The following CASD1 variants were observed in gnomAD, a reference collection of about 807,000 sequenced individuals.
CASD1 encodes the protein N-acetylneuraminate (7)9-O-acetyltransferase.
CASD1 carries 41 observed loss-of-function variants against 100.0 expected under a neutral mutation model. The ratio of observed to expected loss-of-function variants is 0.41; its 90% CI spans 0.32 to 0.53. The LOEUF (loss-of-function observed/expected upper bound fraction) is 0.53. Ranked by LOEUF, CASD1 falls within the 20% of genes least tolerant of loss-of-function variation. CASD1 has a pLI of 0.25. For missense variants in CASD1, 774 were observed against 948.7 expected (o/e 0.82, Z 2.42); for synonymous variants, 321 against 315.6 (o/e 1.02, Z -0.18).
intron 3 of CASD1, among the ~76,000 whole-genome samples, chr7:94,519,481 T>C (rs1676964177): frequency 6.6e-6 from 1 of 152,162 alleles, no homozygotes; most frequent in Non-Finnish European, 1.5e-5. Flanking sequence ...TCCTAAATCT[T>C]TAGCAACTAT....
the CASD1 span, among the ~76,000 whole-genome samples, chr7:94,564,415 CT>C: frequency 1.3e-5 from 2 of 152,180 alleles, no homozygotes; most frequent in African/African-American, 4.8e-5. Context: ...TCCATCACCC[CT>C]GGGATAAGAA....
At chr7:94,621,417 C>T in the CASD1 span, 1 of 152,256 alleles carries the variant, frequency 6.6e-6, no homozygotes, top group Admixed American at 6.5e-5. Flanking sequence ...GACAAAGAGC[C>T]CTGCTGCCAA....
chr7:94,565,458 C>G, the CASD1 span, among the ~76,000 whole-genome samples: 1 of 152,136 alleles, frequency 6.6e-6, no homozygotes, highest in Non-Finnish European at 1.5e-5. Context: ...TAGCTTATGT[C>G]TGTTAACTGC....
chr7:94,564,084 A>G, the CASD1 span, among the ~76,000 whole-genome samples: 1 of 152,174 alleles, frequency 6.6e-6, no homozygotes, highest in East Asian at 1.9e-4. Flanking sequence ...GACACAGCAA[A>G]AGAGTTACCA....
Position 94,555,813 on chromosome 7 carries a change from G to A in CASD1, c.*55G>A. ...TTCAGGCTACCTTTGTGTGTCTCTA[G>A]AAGAGAAAAGCATCTATCTGGAGAT... On this transcript the variant is annotated 3_prime_UTR_variant, in exon 18 of 18. Coordinates refer to ENST00000297273, the MANE Select transcript of CASD1 (RefSeq NM_022900.5). 1 of 1,511,776 alleles carries A rather than the reference G, an allele frequency of 6.6e-7. No homozygotes were observed. Among genetic ancestry groups the A allele is most frequent in the Non-Finnish European group, 8.9e-7 (1 of 1,119,612 alleles). The allele number at this position is 1,511,776 out of a possible 1,614,324, so 93.6% of individuals were successfully genotyped here.
chr7:94,561,041 T>C (rs1426094203), downstream of CASD1, among the ~76,000 whole-genome samples: 3 of 152,138 alleles, frequency 2.0e-5, no homozygotes, highest in African/African-American at 7.2e-5. Flanking sequence ...AATGTCCTGG[T>C]TCGTGACCAG....
chr7:94,540,703 A>G (rs1584416351), intron 10 of CASD1, among the ~76,000 whole-genome samples: 1 of 152,180 alleles, frequency 6.6e-6, no homozygotes, highest in East Asian at 1.9e-4. Flanking sequence ...TTATAAGCCC[A>G]GCTAAGAATT....
At chr7:94,564,112 A>T in the CASD1 span, among the ~76,000 whole-genome samples, 1 of 152,320 alleles carries the variant, frequency 6.6e-6, no homozygotes, top group Admixed American at 6.5e-5. Context: ...GAAGCAAATG[A>T]GTATTTTTGT....
chr7:94,601,488 G>C, the CASD1 span, among the ~76,000 whole-genome samples: 2 of 126,034 alleles, frequency 1.6e-5, no homozygotes, highest in Non-Finnish European at 3.2e-5. Flanking sequence ...TACAACAGTT[G>C]CACTATGTTA....
rs1179654367 is a variant in CASD1, at chr7:94,554,410, T to G, written c.2035-73T>G. The stretch of plus-strand genomic sequence containing the variant: ...AAACATAAAGAATAAGGTTATCATT[T>G]AAAAGAAAGCTTTATACAAAATACT... On this transcript the variant is annotated intron_variant, in intron 16 of 17. Transcript: ENST00000297273. 4.2e-6 allele frequency: 4 copies of G among 957,966 alleles called. No homozygotes were observed. In the African/African-American group the frequency reaches 6.7e-5, roughly 16 times the overall value. The allele number at this position is 957,966 out of a possible 1,614,324, so 59.3% of individuals were successfully genotyped here.
rs1554414728 is a variant in CASD1, at chr7:94,549,542, G to A, written c.1723G>A (p.Glu575Lys). Reference sequence around the variant, plus strand: ...GGATTCCTTTTTTCAGGGTGCATTTGAGAAGATCTTTTCTCTTTGGCCATT... The same window carrying A: ...GGATTCCTTTTTTCAGGGTGCATTTAAGAAGATCTTTTCTCTTTGGCCATT... ...CFLAYSQGAF[E>K]KIFSLWPLSK... Residue 575 changes from glutamate (E) to lysine (K), a missense_variant, in exon 14 of 18, where the codon GAG (glutamate) becomes AAG (lysine). This residue lies in a region of CASD1 where 453 missense variants were observed against 532.6 expected (regional missense o/e 0.85). Transcript: ENST00000297273. The A allele has an allele frequency of 6.2e-7, 1 of 1,607,104 alleles. No individual in the cohort carries two copies. The highest frequency in any genetic ancestry group is 1.1e-5 in the South Asian group (1 of 89,784).
At chr7:94,601,443 CAAAAAAAAAAAAAAAAAAA>C in the CASD1 span, among the ~76,000 whole-genome samples, 46,703 of 91,692 alleles carry the variant, frequency 0.51, 9,173 homozygotes, top group Admixed American at 0.58. Context: ...ATCCCAGTAT[CAAAAAAAAAAAAAAAAAAA>C]AAAAAAAAAA....
rs1373634772 is a variant in CASD1 at position 94,554,648 on chromosome 7, T to TAAATATCAC, written c.2127+75_2127+83dup. 5.6e-6 allele frequency: 5 copies of TAAATATCAC among 889,392 alleles called. No homozygotes were observed. The East Asian group carries it at 1.2e-4, about 22-fold the overall frequency. The allele number at this position is 889,392 out of a possible 1,614,324, so 55.1% of individuals were successfully genotyped here. A position where few individuals can be genotyped will look rare whatever the true frequency, so the allele number is the denominator to read the frequency against. ...GTTTGTGTATGTACGTGTGTGTGTG[T>TAAATATCAC]AAATATCACACATATATGTGAGTAT... On this transcript the variant is annotated intron_variant, in intron 17 of 17. Coordinates refer to ENST00000297273, the MANE Select transcript of CASD1 (RefSeq NM_022900.5).
chr7:94,576,534 T>C, the CASD1 span, among the ~76,000 whole-genome samples: 2 of 152,270 alleles, frequency 1.3e-5, no homozygotes, highest in Admixed American at 6.5e-5. Context: ...AAGTGATTTA[T>C]GATGAATGCC....
intron 10 of CASD1, among the ~76,000 whole-genome samples, chr7:94,539,970 C>G (rs1795312624): frequency 6.6e-6 from 1 of 152,128 alleles, no homozygotes; most frequent in African/African-American, 2.4e-5. Context: ...GTGGAAGACC[C>G]TTCCTTTGAT....
chr7:94,537,765 A>T lies in CASD1; in HGVS notation c.1137A>T (p.Ala379=), dbSNP rs139346321. Residue 379 remains alanine, a synonymous_variant, in exon 9 of 18, where the codon GCA becomes GCT. Coordinates refer to ENST00000297273, the MANE Select transcript of CASD1 (RefSeq NM_022900.5). ...QSFCKLGLIM[A]YFYMCDRANL... is the part of the protein sequence containing the mutation. ...TCTGCAAACTTGGCCTGATTATGGC[A>T]TATTTCTATATGTGTGACCGTGCAA... 5.6e-5 allele frequency: 91 copies of T among 1,613,726 alleles called. No individual in the cohort carries two copies. In the African/African-American group the frequency reaches 1.1e-3, roughly 20 times the overall value.
At chr7:94,566,246 C>T in the CASD1 span, among the ~76,000 whole-genome samples, 1 of 151,998 alleles carries the variant, frequency 6.6e-6, no homozygotes, top group African/African-American at 2.4e-5. Flanking sequence ...GGAATAGAAT[C>T]ATGTATATGT....
At chr7:94,605,892 G>T in the CASD1 span, among the ~76,000 whole-genome samples, 1 of 152,044 alleles carries the variant, frequency 6.6e-6, no homozygotes, top group Non-Finnish European at 1.5e-5. Flanking sequence ...CTGGAGTGCA[G>T]ATCTCAGCTC....
chr7:94,570,389 A>G, the CASD1 span, among the ~76,000 whole-genome samples: 1 of 152,194 alleles, frequency 6.6e-6, no homozygotes. Flanking sequence ...AATAGCATAC[A>G]AAATCTCTGC....
Sources: gnomAD v4.1 joint callset for allele counts (sites outside exome capture counted in the v4.1 genomes callset) on GRCh38, gnomAD v4.1.1 for gene constraint, gnomAD v4.1.1 regional missense constraint, MANE v1.5 for transcripts, NCBI Gene and HGNC (gene_info 2026-07-23, HGNC 2026-07-21) for gene names.